Variants in GLP1R observed in about 807,000 individuals in gnomAD.
GLP1R encodes glucagon like peptide 1 receptor, also known as glucagon-like peptide 1 receptor.
GLP1R carries 32 observed loss-of-function variants against 68.4 expected under a neutral mutation model. That is an observed-to-expected ratio of 0.47 (90% CI 0.35 to 0.63). The LOEUF (loss-of-function observed/expected upper bound fraction) is 0.63, where lower values mean the gene tolerates loss of function less well. GLP1R is among the 20% of genes least tolerant of loss of function. The pLI, the probability that GLP1R is intolerant of heterozygous loss-of-function variation, is 0.00. For missense variants in GLP1R, 502 were observed against 594.9 expected, an observed-to-expected ratio of 0.84 and a Z score of 1.62; for synonymous variants, 263 against 244.4, an observed-to-expected ratio of 1.08 and a Z score of -0.71.
chr6:39,080,930 C>T (rs1045226187), intron 12 of GLP1R, among the ~76,000 whole-genome samples, 191 bp downstream of exon 12: 3 of 151,920 alleles, frequency 2.0e-5, no homozygotes, highest in Non-Finnish European at 4.4e-5. Context: ...CACACATGAA[C>T]ACACACACAC....
chr6:39,086,488 G>A lies in GLP1R; in HGVS notation c.*415G>A. 6.1e-6 allele frequency: 1 copy of A among 162,874 alleles called. No individual in the cohort carries two copies. The highest frequency in any genetic ancestry group is 1.3e-5 in the Non-Finnish European group (1 of 74,708). The allele number at this position is 162,874 out of a possible 1,614,324, so 10.1% of individuals were successfully genotyped here. On this transcript the variant is annotated 3_prime_UTR_variant, in exon 13 of 13. Coordinates refer to ENST00000373256, the MANE Select transcript of GLP1R (RefSeq NM_002062.5). This position sits in a 1 kb window ranked among gnomAD's most constrained non-coding sequence, Gnocchi z 4.5. ...CTTGCAAGAGGAGGTGGTTCTGAAA[G>A]TGGCTCTTCTAACCTCAGCCAAACA... is the stretch of plus-strand genomic sequence containing the variant.
chr6:39,057,487 G>A lies in GLP1R; in HGVS notation c.191G>A (p.Arg64Gln), dbSNP rs202075228. ...CTGCTCCCAGACTTGTTCTGCAACC[G>A]GACCTTCGATGAATACGCCTGCTGG... ...PPPATDLFCN[R>Q]TFDEYACWPD... Residue 64 changes from arginine (R) to glutamine (Q), a missense_variant, in exon 3 of 13, where the codon CGG becomes CAG. Arg to Gln is a conservative substitution (Grantham distance 43). Coordinates refer to ENST00000373256, the MANE Select transcript of GLP1R (RefSeq NM_002062.5). 61 of 1,611,850 alleles carry A rather than the reference G, an allele frequency of 3.8e-5. No individual in the cohort carries two copies. The highest frequency in any genetic ancestry group is 5.1e-5 in the Non-Finnish European group (60 of 1,178,138).
At position 39,079,706 on chromosome 6, in the gene GLP1R, A is replaced by T; in HGVS notation, c.1182+4A>T. On this transcript the variant is annotated splice_donor_region_variant and intron_variant, in intron 11 of 12. Coordinates refer to ENST00000373256, the MANE Select transcript of GLP1R (RefSeq NM_002062.5). This position sits in a 1 kb window ranked among gnomAD's most constrained non-coding sequence, Gnocchi z 4.5. ...GCTCTCCTTCACCTCCTTCCAGGTG[A>T]CTTCATGCTTGGGGACACTTGCTTG... The T allele has an allele frequency of 6.2e-7, 1 of 1,612,076 alleles. No individual in the cohort carries two copies. Among genetic ancestry groups the T allele is most frequent in the Non-Finnish European group, 8.5e-7 (1 of 1,178,820 alleles).
At chr6:39,053,751 G>A (rs888973733) in intron 1 of GLP1R, among the ~76,000 whole-genome samples, 4 of 152,124 alleles carry the variant, frequency 2.6e-5, no homozygotes, top group East Asian at 3.9e-4. Context: ...GCCCAGATCT[G>A]AGCCCAAGGC....
intron 1 of GLP1R, among the ~76,000 whole-genome samples, chr6:39,051,902 G>C (rs13220169): frequency 0.2 from 29,734 of 149,472 alleles, 3,600 homozygotes; most frequent in Non-Finnish European, 0.27. Flanking sequence ...TGTGGGGGGG[G>C]GGGCATCTTG....
At position 39,079,550 on chromosome 6, in the gene GLP1R, G is replaced by A. The variant is rs1023023152; in HGVS notation, c.1044-14G>A. On this transcript the variant is annotated splice_polypyrimidine_tract_variant and intron_variant, in intron 10 of 12. Transcript: ENST00000373256. This position sits in a 1 kb window ranked among gnomAD's most constrained non-coding sequence, Gnocchi z 4.5. ...AGGTCCAGAATGACTCGAGATCTCT[G>A]CCCTGCCCCTCAGACTTGCCAAGTC... 1.1e-5 allele frequency: 18 copies of A among 1,581,492 alleles called. No individual in the cohort carries two copies. In the East Asian group the frequency reaches 1.4e-4, roughly 12 times the overall value.
Position 39,079,590 on chromosome 6 carries a change from T to A in GLP1R, c.1070T>A (p.Ile357Asn). Residue 357 changes from isoleucine to asparagine, a missense_variant, in exon 11 of 13, where the codon ATC becomes AAC. Transcript: ENST00000373256. The surrounding 1 kb of genome is among the most constrained non-coding windows in gnomAD (Gnocchi z 4.5). Reference sequence around the variant, plus strand: ...CTTGCCAAGTCCACGCTGACACTCATCCCCCTGCTGGGGACTCATGAGGTC... The same window carrying A: ...CTTGCCAAGTCCACGCTGACACTCAACCCCCTGCTGGGGACTCATGAGGTC... ...CRLAKSTLTLIPLLGTHEVIF... is the reference protein window; with the variant it reads ...CRLAKSTLTLNPLLGTHEVIF... 1 of 1,602,864 alleles carries A rather than the reference T, an allele frequency of 6.2e-7. No individual in the cohort carries two copies. Among genetic ancestry groups the A allele is most frequent in the Non-Finnish European group, 8.5e-7 (1 of 1,175,534 alleles).
rs10305444 is a variant in GLP1R at position 39,057,533 on chromosome 6, G to A, written c.237G>A (p.Ser79=). ...GCTGGCCAGATGGGGAGCCAGGCTC[G>A]TTCGTGAATGTCAGCTGCCCCTGGT... is the stretch of plus-strand genomic sequence containing the variant. ...YACWPDGEPG[S]FVNVSCPWYL... is the part of the protein sequence containing the mutation. The change falls in exon 3 of 13, where the codon TCG becomes TCA. Residue 79 remains serine (S), a synonymous_variant. Coordinates refer to ENST00000373256, the MANE Select transcript of GLP1R (RefSeq NM_002062.5). The A allele has an allele frequency of 3.1e-3, 4,984 of 1,613,224 alleles. 115 individuals are homozygous for A. The African/African-American group carries it at 0.053, about 17-fold the overall frequency.
chr6:39,078,613 C>T (rs1394036423), intron 8 of GLP1R, among the ~76,000 whole-genome samples: 1 of 152,088 alleles, frequency 6.6e-6, no homozygotes, highest in Non-Finnish European at 1.5e-5. Context: ...GTACATGGTG[C>T]CCTCCTGCAG....
chr6:39,087,020 G>C lies in GLP1R; in HGVS notation c.*947G>C, dbSNP rs922291582. Reference sequence around the variant, plus strand: ...GGAAATACTTTATCTGTGACCACACGCTGTCTCTTGAGAATTTGGATACAC... The same window carrying C: ...GGAAATACTTTATCTGTGACCACACCCTGTCTCTTGAGAATTTGGATACAC... On this transcript the variant is annotated 3_prime_UTR_variant, in exon 13 of 13. Transcript: ENST00000373256. The C allele has an allele frequency of 6.6e-6, 1 of 152,304 alleles. No homozygotes were observed. The highest frequency in any genetic ancestry group is 3.4e-3 in the Middle Eastern group (1 of 294). The allele number at this position is 152,304 out of a possible 1,614,324, so 9.4% of individuals were successfully genotyped here. A position where few individuals can be genotyped will look rare whatever the true frequency, so the allele number is the denominator to read the frequency against.
At chr6:39,084,781 T>C (rs977351363) in intron 12 of GLP1R, among the ~76,000 whole-genome samples, 1 of 152,192 alleles carries the variant, frequency 6.6e-6, no homozygotes, top group Admixed American at 6.5e-5. Context: ...AATGTTCTTT[T>C]AAGGGATGGC....
intron 12 of GLP1R, among the ~76,000 whole-genome samples, chr6:39,082,932 C>A (rs1490116285): frequency 1.3e-5 from 2 of 152,108 alleles, no homozygotes; most frequent in African/African-American, 2.4e-5. Context: ...GCTTGGCTTC[C>A]CCCCCGCCAT....
chr6:39,048,834 C>T lies in GLP1R; in HGVS notation c.-7C>T. 1 of 1,430,232 alleles carries T rather than the reference C, an allele frequency of 7.0e-7. No individual in the cohort carries two copies. The highest frequency in any genetic ancestry group is 9.4e-7 in the Non-Finnish European group (1 of 1,065,944). 88.6% of individuals were successfully genotyped at this position (1,430,232 alleles called of 1,614,324 possible). ...GGCAGCGATGGCCCAGTCCTGAACT[C>T]CCCGCCATGGCCGGCGCCCCCGGCC... On this transcript the variant is annotated 5_prime_UTR_variant, in exon 1 of 13. Coordinates refer to ENST00000373256, the MANE Select transcript of GLP1R (RefSeq NM_002062.5).
chr6:39,060,383 G>A (rs1241899275), intron 3 of GLP1R, among the ~76,000 whole-genome samples: 2 of 152,176 alleles, frequency 1.3e-5, no homozygotes, highest in Non-Finnish European at 2.9e-5. Context: ...TGTTGGGGAG[G>A]GGTCATTTTC....
chr6:39,078,470 G>A, intron 8 of GLP1R, 88 bp downstream of exon 8: 1 of 916,028 alleles, frequency 1.1e-6, no homozygotes, highest in Non-Finnish European at 1.8e-6. Context: ...GCACCCATCT[G>A]TTGAGAGGAT....
intron 3 of GLP1R, among the ~76,000 whole-genome samples, chr6:39,064,639 A>G (rs910170): frequency 0.55 from 83,517 of 151,838 alleles, 23,238 homozygotes; most frequent in East Asian, 0.6. Flanking sequence ...CCTCCTGGAC[A>G]CAAGTAAGCA....
In GLP1R at chr6:39,080,700, G is replaced by C; in HGVS notation, c.1185G>C (p.Gly395=). The stretch of plus-strand genomic sequence containing the variant: ...CTTGATGTGACTCTTGTTTCCAGGG[G>C]CTGATGGTGGCCATATTATACTGCT... The part of the protein sequence containing the change: ...FTELSFTSFQ[G]LMVAILYCFV... The change falls in exon 12 of 13, where the codon GGG becomes GGC. Residue 395 remains glycine (G), a splice_region_variant and synonymous_variant. Coordinates refer to ENST00000373256, the MANE Select transcript of GLP1R (RefSeq NM_002062.5). The C allele has an allele frequency of 6.3e-7, 1 of 1,595,886 alleles. No individual in the cohort carries two copies. Among genetic ancestry groups the C allele is most frequent in the African/African-American group, 1.3e-5 (1 of 74,108 alleles).
At chr6:39,080,838 AACCCCCTACTCACCTC>A in intron 12 of GLP1R, 99 bp downstream of exon 12, 2 of 708,224 alleles carry the variant, frequency 2.8e-6, no homozygotes, top group Non-Finnish European at 4.7e-6. Flanking sequence ...TGCCAGCTGA[AACCCCCTACTCACCTC>A]ACTGAGGCAC....
intron 12 of GLP1R, among the ~76,000 whole-genome samples, chr6:39,084,114 G>A (rs538634869): frequency 7.4e-4 from 112 of 152,110 alleles, no homozygotes; most frequent in Non-Finnish European, 1.4e-3. Flanking sequence ...GGAGGCCAGG[G>A]GTTAGGAGCC....
Sources: allele counts gnomAD v4.1 joint callset (sites outside exome capture counted in the v4.1 genomes callset), GRCh38; gene constraint gnomAD v4.1.1; non-coding constraint Gnocchi (gnomAD v3.1); transcripts MANE v1.5; gene names NCBI Gene and HGNC (gene_info 2026-07-23, HGNC 2026-07-21).